TCEA1: variants seen among roughly 807,000 people sequenced by gnomAD.
The protein encoded by TCEA1 is transcription elongation factor A1.
TCEA1 carries 21 observed loss-of-function variants against 43.8 expected under a neutral mutation model. That is an observed-to-expected ratio of 0.48 (90% CI 0.34 to 0.69). The LOEUF is 0.69. TCEA1 is among the 30% of genes least tolerant of loss of function. The pLI is 0.01. For missense variants in TCEA1, 250 were observed against 365.1 expected, an observed-to-expected ratio of 0.68 and a Z score of 2.57; for synonymous variants, 104 against 117.5, an observed-to-expected ratio of 0.88 and a Z score of 0.75.
Position 53,978,982 on chromosome 8 carries a change from A to G in TCEA1, c.825+43T>C, listed in dbSNP as rs376368525. 1,288 of 1,558,470 alleles carry G rather than the reference A, an allele frequency of 8.3e-4. 1 individual carries two copies. The highest frequency in any genetic ancestry group is 1.1e-3 in the Non-Finnish European group (1,206 of 1,148,494). On this transcript the variant is annotated intron_variant, in intron 8 of 9. Coordinates refer to ENST00000521604, the MANE Select transcript of TCEA1 (RefSeq NM_006756.4). ...TATTTATTTTAAAACAGGAGTTGCAAGCATTTTTATATAAAAATAAGAATC... is the reference window on the plus strand; with the variant it reads ...TATTTATTTTAAAACAGGAGTTGCAGGCATTTTTATATAAAAATAAGAATC...
At chr8:53,998,514 A>G (rs1804140746) in intron 3 of TCEA1, among the ~76,000 whole-genome samples, 1 of 152,302 alleles carries the variant, frequency 6.6e-6, no homozygotes. Context: ...ATATATACAC[A>G]CACACACATA....
intron 1 of TCEA1, chr8:54,021,520 C>CT (rs1412139249): frequency 2.0e-5 from 3 of 152,184 alleles, no homozygotes; most frequent in South Asian, 2.1e-4. Context: ...AACTGGCACA[C>CT]TTTACCTTTT....
intron 3 of TCEA1, among the ~76,000 whole-genome samples, chr8:53,996,494 C>T (rs894557180): frequency 6.6e-6 from 1 of 152,208 alleles, no homozygotes; most frequent in African/African-American, 2.4e-5. Context: ...CTTAAGTACT[C>T]AACAATGTGC....
At chr8:53,980,334 C>G (rs1431657279) in intron 7 of TCEA1, among the ~76,000 whole-genome samples, 2 of 152,212 alleles carry the variant, frequency 1.3e-5, no homozygotes, top group Non-Finnish European at 2.9e-5. Flanking sequence ...TTTGCTTTAT[C>G]TTGCTCTGCG....
At chr8:53,970,591 A>G in intron 8 of TCEA1, 128 bp from the exon 9 acceptor site, 5 of 557,300 alleles carry the variant, frequency 9.0e-6, no homozygotes, top group Non-Finnish European at 1.3e-5. Flanking sequence ...TAGAAGTCTG[A>G]AACAAGTTCA....
chr8:53,969,273 C>T (rs1330812620), intron 9 of TCEA1, among the ~76,000 whole-genome samples: 1 of 152,040 alleles, frequency 6.6e-6, no homozygotes, highest in African/African-American at 2.4e-5. Flanking sequence ...CTGGGCAACA[C>T]AGTGAGGATC....
At chr8:54,001,943 A>C (rs569993618) in intron 2 of TCEA1, among the ~76,000 whole-genome samples, 83 of 151,636 alleles carry the variant, frequency 5.5e-4, no homozygotes, top group African/African-American at 1.7e-3. Context: ...GGAGTTTGAG[A>C]CCAGCCTGGC....
chr8:53,978,216 C>T (rs1337291287), intron 8 of TCEA1, among the ~76,000 whole-genome samples: 1 of 152,024 alleles, frequency 6.6e-6, no homozygotes, highest in East Asian at 1.9e-4. Flanking sequence ...CTGGACAATG[C>T]AGCAAGACCC....
intron 7 of TCEA1, among the ~76,000 whole-genome samples, chr8:53,982,463 C>T (rs1214526390): frequency 6.6e-6 from 1 of 151,832 alleles, no homozygotes; most frequent in Non-Finnish European, 1.5e-5. Context: ...CAAAAATTAG[C>T]TGGGCTTGGT....
At chr8:53,984,551 C>G in intron 6 of TCEA1, 34 bp from the exon 7 acceptor site, 1 of 1,509,520 alleles carries the variant, frequency 6.6e-7, no homozygotes, top group East Asian at 2.3e-5. Context: ...GGCAAAATTA[C>G]AAAAGTAAGA....
At chr8:54,020,349 A>T (rs77346850) in intron 1 of TCEA1, among the ~76,000 whole-genome samples, 6 of 152,202 alleles carry the variant, frequency 3.9e-5, no homozygotes, top group Admixed American at 2.6e-4. Context: ...ATGAAGGGCC[A>T]TATCAATGGG....
chr8:54,014,051 T>G (rs529983544), intron 1 of TCEA1, among the ~76,000 whole-genome samples: 6 of 152,282 alleles, frequency 3.9e-5, no homozygotes, highest in Admixed American at 2.6e-4. Flanking sequence ...ATCAGGGAAT[T>G]TTAAAACAAA....
intron 8 of TCEA1, among the ~76,000 whole-genome samples, chr8:53,976,977 T>C (rs1803350999): frequency 6.6e-6 from 1 of 152,148 alleles, no homozygotes; most frequent in Non-Finnish European, 1.5e-5. Flanking sequence ...CTGTAAACAG[T>C]AGAAAAGAGG....
chr8:54,007,398 C>T (rs1804506034), intron 2 of TCEA1, among the ~76,000 whole-genome samples: 1 of 151,998 alleles, frequency 6.6e-6, no homozygotes, highest in Admixed American at 6.6e-5. Flanking sequence ...CCAGGCTGGT[C>T]TTGAACTGCT....
intron 5 of TCEA1, 42 bp downstream of exon 5, chr8:53,988,072 G>A (rs781294389): frequency 1.1e-5 from 18 of 1,594,790 alleles, no homozygotes; most frequent in Admixed American, 1.7e-5. Context: ...GTGGTTGTGG[G>A]TGGTGACCAA....
intron 1 of TCEA1, among the ~76,000 whole-genome samples, chr8:54,014,016 G>A (rs137860897): frequency 3.6e-4 from 55 of 152,270 alleles, no homozygotes; most frequent in African/African-American, 1.3e-3. Context: ...ATACAGCAGT[G>A]AGCAAGACTG....
intron 9 of TCEA1, 79 bp from the exon 10 acceptor site, chr8:53,968,191 TG>T: frequency 9.4e-7 from 1 of 1,068,410 alleles, no homozygotes; most frequent in Non-Finnish European, 1.3e-6. Context: ...AGCATACACC[TG>T]ATATTGCTTT....
At chr8:53,999,025 G>A (rs567053555) in intron 3 of TCEA1, among the ~76,000 whole-genome samples, 66 of 152,034 alleles carry the variant, frequency 4.3e-4, no homozygotes, top group South Asian at 8.3e-4. Context: ...TCAGGTGATC[G>A]AGACCACCCT....
intron 8 of TCEA1, among the ~76,000 whole-genome samples, chr8:53,976,925 G>C (rs1483238187): frequency 6.6e-6 from 1 of 152,214 alleles, no homozygotes; most frequent in African/African-American, 2.4e-5. Flanking sequence ...AAGGACTTCA[G>C]ACTAGTTAAA....
Sources: gnomAD v4.1 joint callset for allele counts (sites outside exome capture counted in the v4.1 genomes callset) on GRCh38, gnomAD v4.1.1 for gene constraint, MANE v1.5 for transcripts, NCBI Gene and HGNC (gene_info 2026-07-23, HGNC 2026-07-21) for gene names.